ZBTB7C: variants seen among roughly 807,000 people sequenced by gnomAD.
The protein encoded by ZBTB7C is zinc finger and BTB domain-containing protein 7C.
ZBTB7C carries 8 observed loss-of-function variants against 25.7 expected under a neutral mutation model. The observed-to-expected ratio is 0.31, with a 90% CI of 0.18 to 0.56. The LOEUF (loss-of-function observed/expected upper bound fraction) is 0.56. Ranked by LOEUF, ZBTB7C falls within the 20% of genes least tolerant of loss-of-function variation. The pLI, the probability that ZBTB7C is intolerant of heterozygous loss-of-function variation, is 0.91. For missense variants in ZBTB7C, 824 were observed against 855.2 expected, an observed-to-expected ratio of 0.96 and a Z score of 0.46; for synonymous variants, 394 against 369.0, an observed-to-expected ratio of 1.07 and a Z score of -0.78.
At chr18:48,231,898 C>T (rs547842672) in intron 2 of ZBTB7C, among the ~76,000 whole-genome samples, 35 of 152,312 alleles carry the variant, frequency 2.3e-4, no homozygotes, top group South Asian at 4.1e-4. Flanking sequence ...GGTCTGGTCC[C>T]GGCACAGCCT....
rs1027059815 is a variant in ZBTB7C at position 48,356,145 on chromosome 18, C to T, written c.-303-17747G>A. Among the ~76,000 whole-genome samples the T allele has an allele frequency of 1.0e-3, 158 of 152,326 alleles. 2 individuals carry two copies. The highest frequency in any genetic ancestry group is 2.5e-4 in the Non-Finnish European group (17 of 68,032). On this transcript the variant is annotated intron_variant, in intron 1 of 4. Transcript: ENST00000590800. ...ACTGAGTTATAGGATCCTCAACATC[C>T]TTTCTGGGTTTATTCAACAGGGTTT...
intron 2 of ZBTB7C, among the ~76,000 whole-genome samples, chr18:48,330,508 C>T (rs189684100): frequency 2.0e-5 from 3 of 152,262 alleles, no homozygotes; most frequent in East Asian, 3.9e-4. Context: ...CCACTGCCAG[C>T]CTTTTCCAAT....
intron 3 of ZBTB7C, among the ~76,000 whole-genome samples, chr18:48,076,734 T>C (rs907100655): frequency 6.6e-6 from 1 of 152,132 alleles, no homozygotes; most frequent in East Asian, 1.9e-4. Context: ...ACGGAGACCT[T>C]GGGACAGCTA....
chr18:48,241,309 A>T (rs944381680), intron 2 of ZBTB7C, among the ~76,000 whole-genome samples: 7 of 152,252 alleles, frequency 4.6e-5, no homozygotes, highest in Non-Finnish European at 1.0e-4. Flanking sequence ...CAGAAAGTCA[A>T]CAAAGAAACA....
chr18:48,105,633 G>T (rs2039001752), intron 3 of ZBTB7C, among the ~76,000 whole-genome samples: 1 of 152,138 alleles, frequency 6.6e-6, no homozygotes, highest in Non-Finnish European at 1.5e-5. Flanking sequence ...GTTTCTTCTA[G>T]TCCTGCTCAG....
chr18:48,386,041 C>T (rs915862929), intron 1 of ZBTB7C, among the ~76,000 whole-genome samples: 2 of 152,198 alleles, frequency 1.3e-5, no homozygotes, highest in South Asian at 2.1e-4. Flanking sequence ...TTTCTGGTTC[C>T]TTACCCATTA....
intron 2 of ZBTB7C, among the ~76,000 whole-genome samples, chr18:48,186,770 G>A (rs1374072696): frequency 6.6e-6 from 1 of 152,180 alleles, no homozygotes; most frequent in African/African-American, 2.4e-5. Flanking sequence ...TTTGGAGGGA[G>A]TCAGGAAGTG....
chr18:48,407,479 C>A (rs1213876985), intron 1 of ZBTB7C, among the ~76,000 whole-genome samples: 2 of 152,140 alleles, frequency 1.3e-5, no homozygotes, highest in Non-Finnish European at 2.9e-5. Context: ...TAGAAAGTAC[C>A]AGATAAAGAG....
At chr18:48,332,759 C>A (rs1056864889) in intron 2 of ZBTB7C, among the ~76,000 whole-genome samples, 1 of 150,972 alleles carries the variant, frequency 6.6e-6, no homozygotes, top group Admixed American at 6.6e-5. Context: ...TCCAGGCCAG[C>A]CCCTACCAGT....
chr18:48,151,587 C>A (rs1394147304), intron 3 of ZBTB7C, among the ~76,000 whole-genome samples: 1 of 152,172 alleles, frequency 6.6e-6, no homozygotes, highest in African/African-American at 2.4e-5. Flanking sequence ...CAGAGCTACA[C>A]ACCTAGTCAA....
chr18:48,161,458 G>A (rs2041027562), intron 3 of ZBTB7C, among the ~76,000 whole-genome samples: 1 of 152,072 alleles, frequency 6.6e-6, no homozygotes, highest in African/African-American at 2.4e-5. Flanking sequence ...TCCCGAGCGT[G>A]GTGAGGGTAG....
chr18:48,371,775 G>A (rs1278777149), intron 1 of ZBTB7C, among the ~76,000 whole-genome samples: 1 of 152,212 alleles, frequency 6.6e-6, no homozygotes, highest in African/African-American at 2.4e-5. Context: ...GACACAAATA[G>A]GTGGTAGCGA....
At chr18:48,213,775 T>C (rs1049310895) in intron 2 of ZBTB7C, among the ~76,000 whole-genome samples, 4 of 152,158 alleles carry the variant, frequency 2.6e-5, no homozygotes, top group Non-Finnish European at 4.4e-5. Context: ...CTGGAAAATT[T>C]TGGCAGGGAT....
At position 48,040,335 on chromosome 18, in the gene ZBTB7C, T is replaced by G. The variant is rs1197423714; in HGVS notation, c.773A>C (p.His258Pro). 1.4e-5 allele frequency: 22 copies of G among 1,601,316 alleles called. No individual in the cohort carries two copies. Among genetic ancestry groups the G allele is most frequent in the Non-Finnish European group, 1.9e-5 (22 of 1,174,140 alleles). ...LSPFAPDFFP[H>P]LWPGDFGAFA... ...GGCACCGAAGTCCCCTGGCCAGAGG[T>G]GTGGAAAGAAGTCCGGGGCGAATGG... The change falls in exon 4 of 5, where the codon CAC (histidine) becomes CCC (proline). Residue 258 changes from histidine to proline, a missense_variant. Around this residue, in one of 4 missense-constraint regions of ZBTB7C, gnomAD observed 316 missense variants for 299.2 expected, o/e 1.06. Transcript: ENST00000590800.
rs2035613852 is a variant in ZBTB7C, at chr18:48,029,113, A to G, written c.*147T>C. ...GGCAGCTGCTTTAGGAGCCCGGGAA[A>G]ATGCCATCACTGATAGTATTATTAT... On this transcript the variant is annotated 3_prime_UTR_variant, in exon 5 of 5. Coordinates refer to ENST00000590800, the MANE Select transcript of ZBTB7C (RefSeq NM_001318841.2). 2.5e-6 allele frequency: 3 copies of G among 1,186,750 alleles called. No individual in the cohort carries two copies. Among genetic ancestry groups the G allele is most frequent in the Non-Finnish European group, 3.4e-6 (3 of 893,318 alleles). The allele number at this position is 1,186,750 out of a possible 1,614,324, so 73.5% of individuals were successfully genotyped here.
intron 1 of ZBTB7C, among the ~76,000 whole-genome samples, chr18:48,355,096 C>G (rs1385694142): frequency 6.6e-6 from 1 of 152,192 alleles, no homozygotes; most frequent in Non-Finnish European, 1.5e-5. Flanking sequence ...CATGCCAATC[C>G]CCCCTGCAGT....
chr18:48,371,977 T>C (rs1214286534), intron 1 of ZBTB7C, among the ~76,000 whole-genome samples: 2 of 152,192 alleles, frequency 1.3e-5, no homozygotes, highest in East Asian at 1.9e-4. Flanking sequence ...TGGTCCATCC[T>C]GAACTCTGAA....
intron 3 of ZBTB7C, among the ~76,000 whole-genome samples, chr18:48,122,840 A>G (rs1401691435): frequency 2.6e-5 from 4 of 152,182 alleles, no homozygotes; most frequent in Non-Finnish European, 5.9e-5. Flanking sequence ...TCAGCAAACG[A>G]ATGAATGAGC....
intron 3 of ZBTB7C, among the ~76,000 whole-genome samples, chr18:48,114,061 C>T (rs1464160349): frequency 1.3e-5 from 2 of 152,122 alleles, no homozygotes; most frequent in Admixed American, 6.5e-5. Flanking sequence ...CCACCGTGGT[C>T]ATCTTCATGG....
Sources: allele counts gnomAD v4.1 joint callset (sites outside exome capture counted in the v4.1 genomes callset), GRCh38; gene constraint gnomAD v4.1.1; regional missense constraint gnomAD v4.1.1; transcripts MANE v1.5; gene names NCBI Gene and HGNC (gene_info 2026-07-23, HGNC 2026-07-21).